The following UNC13B variants were observed in gnomAD, a reference collection of about 807,000 sequenced individuals.
UNC13B encodes protein unc-13 homolog B.
UNC13B carries 144 observed loss-of-function variants against 211.0 expected under a neutral mutation model. That is an observed-to-expected ratio of 0.68 (90% CI 0.60 to 0.78). The LOEUF (loss-of-function observed/expected upper bound fraction) is 0.78, where lower values mean the gene tolerates loss of function less well. UNC13B is among the 30% of genes least tolerant of loss of function. UNC13B has a pLI of 0.00. For missense variants in UNC13B, 1,777 were observed against 2,002.0 expected, an observed-to-expected ratio of 0.89 and a Z score of 2.14; for synonymous variants, 709 against 725.8, an observed-to-expected ratio of 0.98 and a Z score of 0.37.
At chr9:35,391,322 C>T (rs1469395439) in intron 26 of UNC13B, among the ~76,000 whole-genome samples, 1 of 152,210 alleles carries the variant, frequency 6.6e-6, no homozygotes, top group Non-Finnish European at 1.5e-5. Flanking sequence ...CTGTACCCAT[C>T]TGTACTCACC....
At chr9:35,235,631 G>T (rs1472284368) in intron 3 of UNC13B, among the ~76,000 whole-genome samples, 4 of 151,932 alleles carry the variant, frequency 2.6e-5, no homozygotes, top group African/African-American at 9.7e-5. Flanking sequence ...TAGAGACAGG[G>T]TTTTGCAACG....
In UNC13B at chr9:35,386,280, G is replaced by T; in HGVS notation, c.11081G>T (p.Arg3694Leu). ...AACAACTGCCACGACTTATACAGCC[G>T]CCAGTACCAGCTGGTAAGAGGTTCA... ...IFNNCHDLYS[R>L]QYQLKQELPP... The change falls in exon 24 of 40, where the codon CGC becomes CTC. Residue 3694 changes from arginine (R) to leucine (L), a missense_variant. Coordinates refer to ENST00000635942, the MANE Select transcript of UNC13B (RefSeq NM_001371189.2). The T allele has an allele frequency of 6.2e-7, 1 of 1,614,056 alleles. No individual in the cohort carries two copies. Among genetic ancestry groups the T allele is most frequent in the South Asian group, 1.1e-5 (1 of 91,068 alleles).
At chr9:35,168,495 A>G (rs1821163346) in intron 1 of UNC13B, among the ~76,000 whole-genome samples, 1 of 152,102 alleles carries the variant, frequency 6.6e-6, no homozygotes, top group South Asian at 2.1e-4. Context: ...TTTCTTTGGC[A>G]TATAATTATA....
chr9:35,314,027 T>G (rs929225739), intron 11 of UNC13B, 38 bp downstream of exon 11: 1 of 1,542,162 alleles, frequency 6.5e-7, no homozygotes, highest in Non-Finnish European at 9.0e-7. Flanking sequence ...GGACAATTTT[T>G]CCTTTGAAAT....
intron 1 of UNC13B, among the ~76,000 whole-genome samples, chr9:35,174,688 C>T (rs989106568): frequency 1.8e-4 from 27 of 152,154 alleles, no homozygotes; most frequent in African/African-American, 6.3e-4. Context: ...GCTGGGACTA[C>T]AGGCGCCCGC....
intron 8 of UNC13B, among the ~76,000 whole-genome samples, chr9:35,298,744 T>A (rs1223028104): frequency 6.6e-6 from 1 of 152,228 alleles, no homozygotes; most frequent in Non-Finnish European, 1.5e-5. Flanking sequence ...CTTTAGGTTC[T>A]TTCTCCATCC....
At chr9:35,317,175 A>G (rs934374051) in intron 11 of UNC13B, among the ~76,000 whole-genome samples, 1 of 152,136 alleles carries the variant, frequency 6.6e-6, no homozygotes, top group Non-Finnish European at 1.5e-5. Flanking sequence ...GTCTGTTGAT[A>G]TAGACTGACG....
chr9:35,393,750 T>C (rs1835694319), intron 26 of UNC13B, among the ~76,000 whole-genome samples: 1 of 151,944 alleles, frequency 6.6e-6, no homozygotes, highest in Non-Finnish European at 1.5e-5. Flanking sequence ...TTTTGTATTT[T>C]TAGTAGAGAC....
At chr9:35,192,957 C>T (rs1014814559) in intron 1 of UNC13B, among the ~76,000 whole-genome samples, 26 of 152,086 alleles carry the variant, frequency 1.7e-4, no homozygotes, top group Admixed American at 8.5e-4. Context: ...TTTCCCTCTG[C>T]GGTTTCTGGG....
intron 3 of UNC13B, among the ~76,000 whole-genome samples, chr9:35,235,719 C>T (rs150085876): frequency 6.6e-6 from 1 of 152,328 alleles, no homozygotes; most frequent in African/African-American, 2.4e-5. Context: ...AGGCTTGAGC[C>T]ACCATGCCCA....
At position 35,313,885 on chromosome 9, in the gene UNC13B, TTC is replaced by T; in HGVS notation, c.9324-10_9324-9del. The stretch of plus-strand genomic sequence containing the variant: ...TGGCTATTTTTAAGAAATGTACTTT[TTC>T]TCTGTTACAAGTTTTCCTGAGGAGA... On this transcript the variant is annotated splice_polypyrimidine_tract_variant and intron_variant, in intron 10 of 39. Coordinates refer to ENST00000635942, the MANE Select transcript of UNC13B (RefSeq NM_001371189.2). The T allele has an allele frequency of 6.2e-7, 1 of 1,606,682 alleles. No individual in the cohort carries two copies. Among genetic ancestry groups the T allele is most frequent in the East Asian group, 2.2e-5 (1 of 44,838 alleles).
At chr9:35,361,504 TG>T (rs1833409794) in intron 11 of UNC13B, 1 of 152,194 alleles carries the variant, frequency 6.6e-6, no homozygotes, top group South Asian at 2.1e-4. Context: ...TTAGAATAGC[TG>T]TTGTTTTCTA....
chr9:35,167,305 C>T (rs1053866886), intron 1 of UNC13B, among the ~76,000 whole-genome samples: 2 of 152,074 alleles, frequency 1.3e-5, no homozygotes, highest in Non-Finnish European at 2.9e-5. Context: ...GATCACCTTA[C>T]TTCATGATCC....
intron 1 of UNC13B, 122 bp downstream of exon 1, chr9:35,162,427 A>G (rs1587260682): frequency 2.3e-5 from 30 of 1,288,134 alleles, no homozygotes; most frequent in South Asian, 4.6e-5. Context: ...TTGGGGGTCT[A>G]TTATTTTGGC....
intron 31 of UNC13B, 130 bp from the exon 32 acceptor site, chr9:35,398,424 G>A (rs1042624559): frequency 8.2e-6 from 11 of 1,346,444 alleles, no homozygotes; most frequent in Non-Finnish European, 1.2e-5. Flanking sequence ...TCTGAGGTAG[G>A]CATTCGGGTA....
rs367960574 is a variant in UNC13B, at chr9:35,354,724, A to G, written c.9415-12223A>G. 8.8e-4 allele frequency among the ~76,000 whole-genome samples: 134 copies of G among 152,368 alleles called. 1 individual carries two copies. The highest frequency in any genetic ancestry group is 3.1e-3 in the African/African-American group (130 of 41,586). On this transcript the variant is annotated intron_variant, in intron 11 of 39. Transcript: ENST00000635942. ...TAACCTGATTAATCTTCCTAAGGCA[A>G]CATCTAAATTGTGAAGCATATTGTG...
chr9:35,284,505 T>C (rs1368643675), intron 7 of UNC13B, among the ~76,000 whole-genome samples: 1 of 152,204 alleles, frequency 6.6e-6, no homozygotes, highest in Non-Finnish European at 1.5e-5. Flanking sequence ...ATAACCTACT[T>C]GGTTATGGTG....
At chr9:35,238,636 A>C (rs1334685819) in intron 5 of UNC13B, among the ~76,000 whole-genome samples, 1 of 151,190 alleles carries the variant, frequency 6.6e-6, no homozygotes, top group African/African-American at 2.4e-5. Context: ...GCTCACTGCA[A>C]CCTCTGCCTC....
chr9:35,254,967 A>G (rs1461779243), intron 6 of UNC13B, among the ~76,000 whole-genome samples: 1 of 121,826 alleles, frequency 8.2e-6, no homozygotes, highest in Non-Finnish European at 1.6e-5. Context: ...ATAATATATT[A>G]TATTATATAT....
Sources: allele counts gnomAD v4.1 joint callset (sites outside exome capture counted in the v4.1 genomes callset), GRCh38; gene constraint gnomAD v4.1.1; transcripts MANE v1.5; gene names NCBI Gene and HGNC (gene_info 2026-07-23, HGNC 2026-07-21).